Variants in PTPRM observed in about 807,000 individuals in gnomAD.
PTPRM encodes protein tyrosine phosphatase receptor type M.
PTPRM carries 47 observed loss-of-function variants against 186.7 expected under a neutral mutation model. The observed-to-expected ratio is 0.25, with a 90% confidence interval of 0.20 to 0.32. The LOEUF (loss-of-function observed/expected upper bound fraction) is 0.32, where lower values mean the gene tolerates loss of function less well. Among genes scored for constraint, PTPRM ranks in the 10% least tolerant of loss-of-function variants. PTPRM has a pLI of 1.00. For missense variants in PTPRM, 1,494 were observed against 1,865.0 expected (o/e 0.80, Z 3.66); for synonymous variants, 668 against 674.9 (o/e 0.99, Z 0.16).
chr18:8,026,102 A>G (rs1456424639), intron 7 of PTPRM, among the ~76,000 whole-genome samples: 1 of 152,242 alleles, frequency 6.6e-6, no homozygotes, highest in East Asian at 1.9e-4. Context: ...TTGCTAGGCT[A>G]AAATGCAAGG....
intron 26 of PTPRM, chr18:8,377,648 A>T (rs1331125238): frequency 1.3e-5 from 2 of 152,178 alleles, no homozygotes; most frequent in Non-Finnish European, 2.9e-5. Flanking sequence ...AACTTCCCAT[A>T]TAACTAAAGA....
At chr18:7,756,054 G>A (rs1175918931) in intron 1 of PTPRM, among the ~76,000 whole-genome samples, 1 of 152,170 alleles carries the variant, frequency 6.6e-6, no homozygotes, top group African/African-American at 2.4e-5. Flanking sequence ...GAGTGGAACA[G>A]TAGATACTGT....
chr18:7,905,925 C>T (rs1375146380), intron 3 of PTPRM, among the ~76,000 whole-genome samples: 2 of 152,160 alleles, frequency 1.3e-5, no homozygotes, highest in South Asian at 2.1e-4. Flanking sequence ...TGAATCTTAA[C>T]GTTGTCTCTT....
chr18:8,184,611 A>G (rs563303669), intron 14 of PTPRM, among the ~76,000 whole-genome samples: 1 of 152,354 alleles, frequency 6.6e-6, no homozygotes, highest in Non-Finnish European at 1.5e-5. Context: ...TTACTTTAAT[A>G]TATACCAAGA....
intron 7 of PTPRM, among the ~76,000 whole-genome samples, chr18:7,972,899 A>G (rs1350786724): frequency 6.6e-6 from 1 of 151,970 alleles, no homozygotes; most frequent in African/African-American, 2.4e-5. Flanking sequence ...GTAAATATCA[A>G]TATATGTCCT....
At chr18:7,701,760 CA>C (rs113034791) in intron 1 of PTPRM, among the ~76,000 whole-genome samples, 7 of 152,096 alleles carry the variant, frequency 4.6e-5, no homozygotes, top group African/African-American at 1.7e-4. Context: ...GCAGAACATG[CA>C]GGTTTGTTAC....
chr18:7,984,153 G>A (rs1169191287), intron 7 of PTPRM, among the ~76,000 whole-genome samples: 1 of 152,160 alleles, frequency 6.6e-6, no homozygotes, highest in Admixed American at 6.6e-5. Context: ...AGCAAGGGCA[G>A]TGATGACTGC....
chr18:7,816,415 G>A (rs2145553329), intron 2 of PTPRM, among the ~76,000 whole-genome samples: 1 of 152,198 alleles, frequency 6.6e-6, no homozygotes, highest in East Asian at 1.9e-4. Context: ...GACATGCAAA[G>A]CTTTTAAGAA....
At chr18:8,337,132 T>A (rs1435129750) in intron 22 of PTPRM, among the ~76,000 whole-genome samples, 1 of 152,196 alleles carries the variant, frequency 6.6e-6, no homozygotes, top group Non-Finnish European at 1.5e-5. Context: ...AATTAATACT[T>A]GAAAAACTAC....
chr18:8,305,252 G>A (rs73939423), intron 20 of PTPRM, among the ~76,000 whole-genome samples: 2,674 of 152,214 alleles, frequency 0.018, 80 homozygotes, highest in African/African-American at 0.062. Context: ...GGAAAAAAAC[G>A]TCTGTTTTAG....
intron 7 of PTPRM, among the ~76,000 whole-genome samples, chr18:7,999,377 T>C (rs943210745): frequency 2.6e-5 from 4 of 152,190 alleles, no homozygotes; most frequent in African/African-American, 9.6e-5. Context: ...GAGAACCTGG[T>C]ATATAACCAG....
chr18:7,679,999 G>C (rs1173195239), intron 1 of PTPRM, among the ~76,000 whole-genome samples: 2 of 152,042 alleles, frequency 1.3e-5, no homozygotes, highest in Admixed American at 1.3e-4. Context: ...CCAAGTAGCT[G>C]TGACCACCGG....
intron 1 of PTPRM, among the ~76,000 whole-genome samples, chr18:7,771,951 G>C (rs2042287082): frequency 2.0e-5 from 3 of 152,226 alleles, no homozygotes; most frequent in Non-Finnish European, 4.4e-5. Flanking sequence ...TTCTTACAAA[G>C]TGGAGAGATG....
At chr18:7,813,133 A>G (rs887712994) in intron 2 of PTPRM, among the ~76,000 whole-genome samples, 1 of 152,220 alleles carries the variant, frequency 6.6e-6, no homozygotes, top group Non-Finnish European at 1.5e-5. Flanking sequence ...GTAAGAGACA[A>G]ACATATGCCA....
intron 11 of PTPRM, among the ~76,000 whole-genome samples, chr18:8,109,549 C>T (rs1486189655): frequency 6.6e-6 from 1 of 152,092 alleles, no homozygotes; most frequent in Non-Finnish European, 1.5e-5. Flanking sequence ...AACATGGAGG[C>T]CTGTCCAATG....
At chr18:7,817,978 A>G (rs961171872) in intron 2 of PTPRM, among the ~76,000 whole-genome samples, 4 of 152,228 alleles carry the variant, frequency 2.6e-5, no homozygotes, top group Non-Finnish European at 5.9e-5. Flanking sequence ...GATGGTACAC[A>G]GGGAAGGTGG....
chr18:7,832,354 G>C (rs1168462901), intron 2 of PTPRM, among the ~76,000 whole-genome samples: 3 of 152,110 alleles, frequency 2.0e-5, no homozygotes, highest in Admixed American at 1.3e-4. Context: ...TTGTAGTTTT[G>C]ATTTGCATAT....
At chr18:8,255,921 C>G (rs992336743) in intron 19 of PTPRM, among the ~76,000 whole-genome samples, 1 of 152,110 alleles carries the variant, frequency 6.6e-6, no homozygotes, top group Admixed American at 6.5e-5. Flanking sequence ...ATGACATGCT[C>G]TGGTCTTGAT....
intron 2 of PTPRM, among the ~76,000 whole-genome samples, chr18:7,829,278 A>G (rs1011090969): frequency 1.3e-5 from 2 of 152,214 alleles, no homozygotes; most frequent in African/African-American, 4.8e-5. Flanking sequence ...ACTTGTATCT[A>G]TGTACATAAT....
Sources: allele counts gnomAD v4.1 joint callset (sites outside exome capture counted in the v4.1 genomes callset), GRCh38; gene constraint gnomAD v4.1.1; transcripts MANE v1.5; gene names NCBI Gene and HGNC (gene_info 2026-07-23, HGNC 2026-07-21).